The following BCKDHB variants were observed in gnomAD, a reference collection of about 807,000 sequenced individuals.
The protein encoded by BCKDHB is branched chain keto acid dehydrogenase E1 subunit beta, also known as 2-oxoisovalerate dehydrogenase subunit beta, mitochondrial.
BCKDHB carries 41 observed loss-of-function variants against 48.5 expected under a neutral mutation model. The observed-to-expected ratio is 0.85, with a 90% CI of 0.66 to 1.10. The LOEUF is 1.10. Among genes scored for constraint, BCKDHB ranks in the 50% least tolerant of loss-of-function variants. BCKDHB has a pLI of 0.00. For missense variants in BCKDHB, 496 were observed against 494.2 expected (o/e 1.00, Z -0.03); for synonymous variants, 201 against 174.8 (o/e 1.15, Z -1.18).
chr6:80,350,000 A>G (rs540479735), downstream of BCKDHB, among the ~76,000 whole-genome samples: 13 of 152,282 alleles, frequency 8.5e-5, no homozygotes, highest in South Asian at 6.2e-4. Flanking sequence ...TAAGTAGTTA[A>G]AACTACTGAT....
chr6:80,149,274 C>A (rs1053090785), intron 3 of BCKDHB, among the ~76,000 whole-genome samples: 6 of 152,134 alleles, frequency 3.9e-5, no homozygotes, highest in Non-Finnish European at 8.8e-5. Flanking sequence ...AGTGAGATAC[C>A]ATCTCACACC....
At chr6:80,270,168 A>G (rs1185314146) in intron 8 of BCKDHB, among the ~76,000 whole-genome samples, 2 of 152,142 alleles carry the variant, frequency 1.3e-5, no homozygotes, top group Non-Finnish European at 2.9e-5. Flanking sequence ...ACAAATTTCT[A>G]CTATACCTCA....
chr6:80,339,925 TCAGGTTCGAATCTTACTTG>T (rs1748325695), intron 9 of BCKDHB, among the ~76,000 whole-genome samples: 1 of 152,186 alleles, frequency 6.6e-6, no homozygotes, highest in African/African-American at 2.4e-5. Flanking sequence ...GGCTTTGTAG[TCAGGTTCGAATCTTACTTG>T]GCTGTGTATG....
intron 8 of BCKDHB, among the ~76,000 whole-genome samples, chr6:80,227,277 A>G (rs1024981961): frequency 6.6e-6 from 1 of 152,218 alleles, no homozygotes; most frequent in African/African-American, 2.4e-5. Context: ...TGTAAGTTGT[A>G]TTACAGCATT....
intron 1 of BCKDHB, among the ~76,000 whole-genome samples, chr6:80,121,461 C>T (rs1459347154): frequency 6.6e-6 from 1 of 152,152 alleles, no homozygotes; most frequent in African/African-American, 2.4e-5. Flanking sequence ...GACAGTATGG[C>T]CATTTTCACA....
intron 3 of BCKDHB, among the ~76,000 whole-genome samples, chr6:80,164,103 C>T (rs1168431108): frequency 6.6e-6 from 1 of 152,140 alleles, no homozygotes; most frequent in East Asian, 1.9e-4. Context: ...CATGACCGTA[C>T]TCAAGAACTT....
chr6:80,140,765 C>G (rs547864613), intron 3 of BCKDHB, among the ~76,000 whole-genome samples: 138 of 152,146 alleles, frequency 9.1e-4, no homozygotes, highest in African/African-American at 2.9e-3. Flanking sequence ...CTAAAATTCT[C>G]TTTTTTGGTT....
intron 9 of BCKDHB, among the ~76,000 whole-genome samples, chr6:80,315,577 C>T (rs758917807): frequency 2.0e-4 from 30 of 151,512 alleles, no homozygotes; most frequent in Non-Finnish European, 3.2e-4. Context: ...TCTGTTCCAC[C>T]GTCTTGGCCC....
At chr6:80,292,027 G>A (rs1365085847) in intron 9 of BCKDHB, among the ~76,000 whole-genome samples, 1 of 152,152 alleles carries the variant, frequency 6.6e-6, no homozygotes, top group Non-Finnish European at 1.5e-5. Flanking sequence ...GGACCTAGGA[G>A]TTGGGTAAAT....
At chr6:80,357,837 A>T in the BCKDHB span, among the ~76,000 whole-genome samples, 3 of 152,160 alleles carry the variant, frequency 2.0e-5, no homozygotes, top group South Asian at 6.2e-4. Flanking sequence ...GCTGTTGTTG[A>T]GCTGGAGCTC....
chr6:80,450,214 A>G, the BCKDHB span, among the ~76,000 whole-genome samples: 13,936 of 152,278 alleles, frequency 0.092, 703 homozygotes, highest in Non-Finnish European at 0.11. Flanking sequence ...TCATGCTTCC[A>G]TTACTCCCAG....
chr6:80,399,353 A>G, the BCKDHB span, among the ~76,000 whole-genome samples: 1 of 152,156 alleles, frequency 6.6e-6, no homozygotes, highest in Admixed American at 6.6e-5. Context: ...AGAAAACCCC[A>G]TAGTCTTGGC....
intron 9 of BCKDHB, among the ~76,000 whole-genome samples, chr6:80,327,066 T>C (rs1769066953): frequency 6.6e-6 from 1 of 152,088 alleles, no homozygotes; most frequent in African/African-American, 2.4e-5. Context: ...TAAAAAAAAA[T>C]TGTTTAAGTT....
At chr6:80,299,927 G>C (rs1767487076) in intron 9 of BCKDHB, among the ~76,000 whole-genome samples, 1 of 152,046 alleles carries the variant, frequency 6.6e-6, no homozygotes, top group South Asian at 2.1e-4. Flanking sequence ...ATAAAGACAA[G>C]ACGAAAGCAT....
chr6:80,206,541 T>TTGTGTG (rs35972426), intron 8 of BCKDHB, among the ~76,000 whole-genome samples: 4,972 of 145,794 alleles, frequency 0.034, 266 homozygotes, highest in African/African-American at 0.12. Context: ...CCTAGAAAGT[T>TTGTGTG]TGTGTGTGTG....
chr6:80,438,538 G>A, the BCKDHB span, among the ~76,000 whole-genome samples: 219 of 152,124 alleles, frequency 1.4e-3, no homozygotes, highest in African/African-American at 5.1e-3. Context: ...ACTCCAAAAA[G>A]ACCATAACAA....
intron 3 of BCKDHB, among the ~76,000 whole-genome samples, chr6:80,154,765 A>G (rs1483951452): frequency 1.3e-5 from 2 of 152,276 alleles, no homozygotes; most frequent in East Asian, 3.9e-4. Context: ...TAATTCAGAT[A>G]ATTTGTTGAA....
At chr6:80,136,613 C>T (rs545694838) in intron 3 of BCKDHB, among the ~76,000 whole-genome samples, 4 of 151,680 alleles carry the variant, frequency 2.6e-5, no homozygotes, top group East Asian at 3.9e-4. Flanking sequence ...TGGACTGCAT[C>T]GAAATTAAAA....
the BCKDHB span, among the ~76,000 whole-genome samples, chr6:80,360,250 T>C: frequency 6.6e-6 from 1 of 152,216 alleles, no homozygotes; most frequent in African/African-American, 2.4e-5. Flanking sequence ...GTAACTGTCT[T>C]TGAAGTAGGT....
Sources: gnomAD v4.1 joint callset for allele counts (sites outside exome capture counted in the v4.1 genomes callset) on GRCh38, gnomAD v4.1.1 for gene constraint, MANE v1.5 for transcripts, NCBI Gene and HGNC (gene_info 2026-07-23, HGNC 2026-07-21) for gene names.